The following PTPRN2 variants were observed in gnomAD, a reference collection of about 807,000 sequenced individuals.
The protein encoded by PTPRN2 is protein tyrosine phosphatase receptor type N2.
PTPRN2 carries 74 observed loss-of-function variants against 118.8 expected under a neutral mutation model. The observed-to-expected ratio is 0.62, with a 90% CI of 0.52 to 0.76. PTPRN2 has a LOEUF of 0.76. Among genes scored for constraint, PTPRN2 ranks in the 30% least tolerant of loss-of-function variants. PTPRN2 has a pLI of 0.00. For missense variants in PTPRN2, 1,481 were observed against 1,394.4 expected, an observed-to-expected ratio of 1.06 and a Z score of -0.99; for synonymous variants, 641 against 608.0, an observed-to-expected ratio of 1.05 and a Z score of -0.80.
chr7:157,811,581 G>A (rs1483366251), intron 12 of PTPRN2, among the ~76,000 whole-genome samples: 1 of 152,018 alleles, frequency 6.6e-6, no homozygotes, highest in Non-Finnish European at 1.5e-5. Flanking sequence ...CTCAGCACCA[G>A]GCATCACACA....
intron 2 of PTPRN2, among the ~76,000 whole-genome samples, chr7:158,352,823 A>AT (rs796434765): frequency 2.6e-4 from 39 of 152,306 alleles, no homozygotes; most frequent in African/African-American, 6.5e-4. Flanking sequence ...GCAGAGATAG[A>AT]TTTTTCGAAT....
At chr7:157,880,961 A>G (rs1011785323) in intron 12 of PTPRN2, among the ~76,000 whole-genome samples, 1 of 152,258 alleles carries the variant, frequency 6.6e-6, no homozygotes, top group African/African-American at 2.4e-5. Context: ...GTCAGAGTTT[A>G]GAGCTGAATT....
intron 12 of PTPRN2, among the ~76,000 whole-genome samples, chr7:157,721,315 C>T (rs531953273): frequency 2.4e-4 from 36 of 152,280 alleles, no homozygotes; most frequent in South Asian, 1.0e-3. Context: ...GGGCTTCCCT[C>T]GTCGGAAAGT....
chr7:158,190,160 G>C (rs967580304), intron 5 of PTPRN2, among the ~76,000 whole-genome samples: 1 of 152,100 alleles, frequency 6.6e-6, no homozygotes, highest in Non-Finnish European at 1.5e-5. Flanking sequence ...AGCTTCACAC[G>C]TGGCTCTCAT....
intron 6 of PTPRN2, among the ~76,000 whole-genome samples, chr7:158,146,937 C>G (rs1284651277): frequency 6.7e-6 from 1 of 150,092 alleles, no homozygotes; most frequent in Admixed American, 6.7e-5. Context: ...TCTCACGCCA[C>G]GTGTCTTTCC....
chr7:158,137,203 G>A (rs1818903777), intron 7 of PTPRN2, among the ~76,000 whole-genome samples: 1 of 152,140 alleles, frequency 6.6e-6, no homozygotes. Flanking sequence ...CGGATCATGA[G>A]GTCAGGAGTT....
At chr7:158,343,132 G>A (rs1487834406) in intron 2 of PTPRN2, among the ~76,000 whole-genome samples, 1 of 152,174 alleles carries the variant, frequency 6.6e-6, no homozygotes, top group Non-Finnish European at 1.5e-5. Context: ...CAGCCAGGGA[G>A]TGGGGAAATA....
intron 14 of PTPRN2, among the ~76,000 whole-genome samples, chr7:157,625,041 C>T (rs1306922921): frequency 6.6e-6 from 1 of 152,178 alleles, no homozygotes; most frequent in African/African-American, 2.4e-5. Context: ...TACCACCTTC[C>T]TCCTGCAAGA....
rs1393492921 is a variant in PTPRN2 at position 157,671,672 on chromosome 7, G to T, written c.2001+11053C>A. ...AGGAAGGGCAGGGGCATGCGGGCTG[G>T]GGGCGGAGCGGCTACTGGAGCAGCT... On this transcript the variant is annotated intron_variant, in intron 13 of 22. Coordinates refer to ENST00000389418, the MANE Select transcript of PTPRN2 (RefSeq NM_002847.5). The surrounding 1 kb of genome is among the most constrained non-coding windows in gnomAD (Gnocchi z 4.1). Among the ~76,000 whole-genome samples the T allele has an allele frequency of 1.3e-5, 2 of 152,174 alleles. No homozygotes were observed. Among genetic ancestry groups the T allele is most frequent in the East Asian group, 3.9e-4 (2 of 5,180 alleles).
chr7:158,527,637 T>C (rs1052990263), intron 1 of PTPRN2, among the ~76,000 whole-genome samples: 1 of 152,146 alleles, frequency 6.6e-6, no homozygotes, highest in Non-Finnish European at 1.5e-5. Flanking sequence ...TGCTCAGCCA[T>C]GTGGGGGTTG....
chr7:158,380,415 T>C (rs543314373), intron 2 of PTPRN2, among the ~76,000 whole-genome samples: 161 of 152,338 alleles, frequency 1.1e-3, no homozygotes, highest in African/African-American at 3.4e-3. Flanking sequence ...CACGCAAGTC[T>C]GAAATCTAGC....
intron 2 of PTPRN2, among the ~76,000 whole-genome samples, chr7:158,447,425 C>A (rs1197217537): frequency 2.6e-5 from 4 of 152,210 alleles, no homozygotes; most frequent in Non-Finnish European, 5.9e-5. Flanking sequence ...GAGCACAAGA[C>A]CCGTCTCCAT....
chr7:157,942,143 G>T (rs1396820322), intron 11 of PTPRN2, among the ~76,000 whole-genome samples: 1 of 118,972 alleles, frequency 8.4e-6, no homozygotes, highest in Non-Finnish European at 1.7e-5. Flanking sequence ...ACACGCACAG[G>T]GGTCCTCGGC....
intron 2 of PTPRN2, among the ~76,000 whole-genome samples, chr7:158,391,377 C>T (rs1034949777): frequency 5.9e-5 from 9 of 152,176 alleles, no homozygotes; most frequent in South Asian, 2.1e-4. Context: ...AATCCAGGTC[C>T]GGGCCCTGAC....
At position 158,093,727 on chromosome 7, in the gene PTPRN2, TACC is replaced by T. The variant is rs982907154; in HGVS notation, c.1644-12353_1644-12351del. 4.6e-5 allele frequency among the ~76,000 whole-genome samples: 7 copies of T among 152,200 alleles called. No homozygotes were observed. Among genetic ancestry groups the T allele is most frequent in the African/African-American group, 7.2e-5 (3 of 41,446 alleles). On this transcript the variant is annotated intron_variant, in intron 10 of 22. Transcript: ENST00000389418. This position sits in a 1 kb window ranked among gnomAD's most constrained non-coding sequence, Gnocchi z 4.4. ...CTTTCCTTACACACACTTTTAATTT[TACC>T]ACATTTCCTGCACAATTGTGTATTC...
At chr7:157,594,593 G>A (rs1470719276) in intron 17 of PTPRN2, among the ~76,000 whole-genome samples, 1 of 152,212 alleles carries the variant, frequency 6.6e-6, no homozygotes, top group Middle Eastern at 3.2e-3. Context: ...CCCGACACGC[G>A]GCCGGTGCCT....
intron 12 of PTPRN2, among the ~76,000 whole-genome samples, chr7:157,722,609 G>A (rs1217552703): frequency 1.3e-5 from 2 of 152,190 alleles, no homozygotes; most frequent in Admixed American, 6.5e-5. Context: ...TGCGTGGCCC[G>A]AGTGTGGGCC....
intron 2 of PTPRN2, among the ~76,000 whole-genome samples, chr7:158,407,221 C>G (rs371648283): frequency 0.22 from 2,792 of 12,688 alleles, 204 homozygotes; most frequent in African/African-American, 0.3. Context: ...CTGCGTCCTG[C>G]GTCCTGGGTC....
intron 12 of PTPRN2, among the ~76,000 whole-genome samples, chr7:157,716,247 C>T (rs543684757): frequency 6.6e-5 from 7 of 106,762 alleles, no homozygotes; most frequent in Non-Finnish European, 1.6e-4. Flanking sequence ...GCCATGGCCA[C>T]GAAGACTCTG....
Sources: allele counts gnomAD v4.1 joint callset (sites outside exome capture counted in the v4.1 genomes callset), GRCh38; gene constraint gnomAD v4.1.1; non-coding constraint Gnocchi (gnomAD v3.1); transcripts MANE v1.5; gene names NCBI Gene and HGNC (gene_info 2026-07-23, HGNC 2026-07-21).